Variants in RETREG3 observed in about 807,000 individuals in gnomAD.
RETREG3 encodes the protein reticulophagy regulator family member 3, also known as reticulophagy regulator 3.
In RETREG3, 23 loss-of-function variants were observed where a neutral mutation model predicts 50.2. The ratio of observed to expected loss-of-function variants is 0.46; its 90% CI spans 0.33 to 0.65. The LOEUF (loss-of-function observed/expected upper bound fraction) is 0.65, where lower values mean the gene tolerates loss of function less well. Ranked by LOEUF, RETREG3 falls within the 30% of genes least tolerant of loss-of-function variation. The pLI, the probability that RETREG3 is intolerant of heterozygous loss-of-function variation, is 0.02. For missense variants in RETREG3, 546 were observed against 598.0 expected, an observed-to-expected ratio of 0.91 and a Z score of 0.91; for synonymous variants, 240 against 234.4, an observed-to-expected ratio of 1.02 and a Z score of -0.22.
chr17:42,599,647 C>A (rs2093154806), intron 1 of RETREG3, among the ~76,000 whole-genome samples: 2 of 124,036 alleles, frequency 1.6e-5, no homozygotes, highest in African/African-American at 6.2e-5. Flanking sequence ...GAGTAAGGCT[C>A]CGTCTCAAAA....
intron 3 of RETREG3, 182 bp from the exon 4 acceptor site, chr17:42,587,073 A>G (rs2093122865): frequency 1.3e-6 from 1 of 772,436 alleles, no homozygotes; most frequent in Non-Finnish European, 2.0e-6. Flanking sequence ...ATTTAGGTAC[A>G]AGGAGGACAA....
At chr17:42,586,638 T>C in intron 4 of RETREG3, 127 bp downstream of exon 4, 1 of 1,362,460 alleles carries the variant, frequency 7.3e-7, no homozygotes, top group Non-Finnish European at 9.9e-7. Flanking sequence ...TATAGCTTCC[T>C]TTTGTCTCTA....
chr17:42,606,848 T>G (rs1054429503), intron 1 of RETREG3, among the ~76,000 whole-genome samples: 3 of 151,444 alleles, frequency 2.0e-5, no homozygotes, highest in Non-Finnish European at 2.9e-5. Context: ...ATACAAAAAT[T>G]AGCCAGGCAT....
intron 1 of RETREG3, among the ~76,000 whole-genome samples, chr17:42,594,409 A>T (rs2093139489): frequency 6.6e-6 from 1 of 151,996 alleles, no homozygotes; most frequent in African/African-American, 2.4e-5. Flanking sequence ...TACAAAAATT[A>T]GCCAGGTGCA....
chr17:42,607,964 C>T (rs1468723821), intron 1 of RETREG3, among the ~76,000 whole-genome samples: 1 of 152,138 alleles, frequency 6.6e-6, no homozygotes, highest in Non-Finnish European at 1.5e-5. Flanking sequence ...AGAGGATTAG[C>T]TTAATAGCTG....
chr17:42,586,261 G>T, intron 4 of RETREG3, 124 bp from the exon 5 acceptor site: 2 of 825,318 alleles, frequency 2.4e-6, no homozygotes, highest in Non-Finnish European at 4.0e-6. Flanking sequence ...TGCAGCCACT[G>T]TTGCATCCAA....
intron 2 of RETREG3, 130 bp downstream of exon 2, chr17:42,591,926 G>A: frequency 2.6e-6 from 2 of 756,922 alleles, no homozygotes; most frequent in Non-Finnish European, 4.1e-6. Context: ...GCCTCCTAAA[G>A]CAAATGATTC....
chr17:42,589,362 CTAAGTGTAA>C (rs1473847157), intron 2 of RETREG3, among the ~76,000 whole-genome samples: 2 of 152,192 alleles, frequency 1.3e-5, no homozygotes, highest in African/African-American at 4.8e-5. Flanking sequence ...CCTTTGCCTG[CTAAGTGTAA>C]TGCCATTCTG....
Position 42,609,262 on chromosome 17 carries a change from G to A in RETREG3, c.63C>T (p.Gly21=), listed in dbSNP as rs1285819147. 1.2e-6 allele frequency: 2 copies of A among 1,606,066 alleles called. No homozygotes were observed. Among genetic ancestry groups the A allele is most frequent in the Non-Finnish European group, 1.7e-6 (2 of 1,179,796 alleles). ...CCCAGGAGCCTGACACATCTCGGCG[G>A]CCCCTGAAAGTCGACCCCGAAGCCG... ...PGPASGSTFR[G]RRDVSGSWER... Residue 21 remains glycine (G), a synonymous_variant, in exon 1 of 9, where the codon GGC becomes GGT. Coordinates refer to ENST00000309428, the MANE Select transcript of RETREG3 (RefSeq NM_178126.4).
intron 4 of RETREG3, 151 bp downstream of exon 4, chr17:42,586,614 C>A: frequency 8.9e-7 from 1 of 1,119,634 alleles, no homozygotes. Flanking sequence ...AATGGCTGGT[C>A]AGAAGGCCTT....
At chr17:42,593,647 C>CAAA (rs10537185) in intron 1 of RETREG3, among the ~76,000 whole-genome samples, 1 of 86,256 alleles carries the variant, frequency 1.2e-5, no homozygotes, top group African/African-American at 5.2e-5. Context: ...GACTCCGTCT[C>CAAA]AAAAAAAAAA....
intron 1 of RETREG3, among the ~76,000 whole-genome samples, chr17:42,606,657 A>G (rs891145782): frequency 1.3e-5 from 2 of 152,040 alleles, no homozygotes; most frequent in African/African-American, 4.8e-5. Flanking sequence ...AACAGCATAC[A>G]TGCTACTAAT....
intron 1 of RETREG3, among the ~76,000 whole-genome samples, chr17:42,595,555 C>T (rs2093142416): frequency 1.3e-5 from 2 of 151,938 alleles, no homozygotes; most frequent in South Asian, 4.1e-4. Flanking sequence ...AGGCATGACA[C>T]CTGGCCATAA....
intron 1 of RETREG3, among the ~76,000 whole-genome samples, chr17:42,600,568 A>C (rs1243384275): frequency 6.6e-6 from 1 of 152,204 alleles, no homozygotes; most frequent in East Asian, 1.9e-4. Context: ...GTGTCAAACA[A>C]TAAGGAAGAC....
chr17:42,585,279 G>A lies in RETREG3; in HGVS notation c.590-17C>T, dbSNP rs753686009. On this transcript the variant is annotated splice_polypyrimidine_tract_variant and intron_variant, in intron 5 of 8. Coordinates refer to ENST00000309428, the MANE Select transcript of RETREG3 (RefSeq NM_178126.4). ...CAGTGACAACTGTGAGGAGGCATGG[G>A]AAACAGTGACAAAATGGAGAAGGGG... 1.2e-6 allele frequency: 2 copies of A among 1,610,726 alleles called. No individual in the cohort carries two copies. Among genetic ancestry groups the A allele is most frequent in the South Asian group, 2.2e-5 (2 of 91,004 alleles).
Position 42,581,920 on chromosome 17 carries a change from G to A in RETREG3, c.1294C>T (p.Arg432Trp), listed in dbSNP as rs764542549. Residue 432 changes from arginine to tryptophan, a missense_variant, in exon 9 of 9, where the codon CGG becomes TGG. By Grantham distance (101) the Arg-to-Trp change is moderately radical. Coordinates refer to ENST00000309428, the MANE Select transcript of RETREG3 (RefSeq NM_178126.4). ...PAQRATRGFLRSPSSDLDTDA... is the reference protein window; with the variant it reads ...PAQRATRGFLWSPSSDLDTDA... ...GTGTCCAGGTCTGAACTGGGGGACC[G>A]GAGGAAGCCTCTCGTTGCTCTCTGG... 1.6e-5 allele frequency: 26 copies of A among 1,614,042 alleles called. 1 individual carries two copies. The highest frequency in any genetic ancestry group is 1.2e-4 in the Admixed American group (7 of 59,998).
chr17:42,586,886 C>T lies in RETREG3; in HGVS notation c.383G>A (p.Gly128Asp). Residue 128 changes from glycine to aspartate, a missense_variant, in exon 4 of 9, where the codon GGC (glycine) becomes GAC (aspartate). Gly to Asp is a moderately conservative substitution (Grantham distance 94, BLOSUM62 -1). Coordinates refer to ENST00000309428, the MANE Select transcript of RETREG3 (RefSeq NM_178126.4). ...GCTGAGCAACCGAGGGTGCACAAAG[C>T]CCCAGCTATGGGAGAGAGAAGGGGG... ...RPDALDNESW[G>D]FVHPRLLSVP... The T allele has an allele frequency of 6.2e-7, 1 of 1,613,754 alleles. No homozygotes were observed. Among genetic ancestry groups the T allele is most frequent in the Non-Finnish European group, 8.5e-7 (1 of 1,179,872 alleles).
chr17:42,589,501 C>T (rs909921816), intron 2 of RETREG3, among the ~76,000 whole-genome samples: 3 of 152,172 alleles, frequency 2.0e-5, no homozygotes, highest in East Asian at 3.8e-4. Context: ...GGTGCGATCA[C>T]GGCTCACTGC....
chr17:42,582,844 A>G (rs1278552424), intron 7 of RETREG3, 38 bp from the exon 8 acceptor site: 1 of 1,613,280 alleles, frequency 6.2e-7, no homozygotes, highest in African/African-American at 1.3e-5. Context: ...TAATGCCATC[A>G]GGAACCAGGT....
Sources: gnomAD v4.1 joint callset for allele counts (sites outside exome capture counted in the v4.1 genomes callset) on GRCh38, gnomAD v4.1.1 for gene constraint, MANE v1.5 for transcripts, NCBI Gene and HGNC (gene_info 2026-07-23, HGNC 2026-07-21) for gene names.